EPHA5: variants seen among roughly 807,000 people sequenced by gnomAD.
EPHA5 encodes EPH receptor A5.
EPHA5 carries 60 observed loss-of-function variants against 105.0 expected under a neutral mutation model. The ratio of observed to expected loss-of-function variants is 0.57; its 90% CI spans 0.46 to 0.71. The LOEUF is 0.71. Among genes scored for constraint, EPHA5 ranks in the 30% least tolerant of loss-of-function variants. The probability of loss-of-function intolerance (pLI) is 0.00; values close to 1 mark genes in which losing one functional copy is unlikely to be tolerated. For missense variants in EPHA5, 1,218 were observed against 1,274.7 expected (o/e 0.96, Z 0.68); for synonymous variants, 513 against 449.1 (o/e 1.14, Z -1.80).
intron 5 of EPHA5, among the ~76,000 whole-genome samples, chr4:65,450,301 A>T (rs1354651585): frequency 6.6e-6 from 1 of 152,170 alleles, no homozygotes; most frequent in Non-Finnish European, 1.5e-5. Context: ...ATGAGTGGAA[A>T]TGTTTCTTAT....
intron 5 of EPHA5, among the ~76,000 whole-genome samples, chr4:65,443,067 A>G (rs1014682885): frequency 2.0e-5 from 3 of 152,098 alleles, no homozygotes; most frequent in Non-Finnish European, 4.4e-5. Context: ...GAAACCTAAA[A>G]CACCTTGGAG....
At position 65,367,718 on chromosome 4, in the gene EPHA5, C is replaced by T. The variant is rs558564328; in HGVS notation, c.1794-294G>A. 7.2e-5 allele frequency among the ~76,000 whole-genome samples: 11 copies of T among 152,092 alleles called. No individual in the cohort carries two copies. The South Asian group carries it at 2.3e-3, about 32-fold the overall frequency. ...TACCAGACATTGTTGTTCTCTTTTC[C>T]TCTTTTACTTTATTTTATTTTTATT... On this transcript the variant is annotated intron_variant, in intron 8 of 16. Coordinates refer to ENST00000613740, the MANE Select transcript of EPHA5 (RefSeq NM_001281766.3).
intron 3 of EPHA5, among the ~76,000 whole-genome samples, chr4:65,527,400 A>C (rs553013021): frequency 6.6e-6 from 1 of 152,244 alleles, no homozygotes; most frequent in African/African-American, 2.4e-5. Context: ...CAAAACAATA[A>C]TATGTTCTGA....
intron 5 of EPHA5, among the ~76,000 whole-genome samples, chr4:65,458,653 C>A (rs190222091): frequency 6.6e-6 from 1 of 152,054 alleles, no homozygotes; most frequent in Non-Finnish European, 1.5e-5. Context: ...CCATATTAAA[C>A]TGTACACTCA....
chr4:65,327,076 G>C (rs946844124), intron 16 of EPHA5, among the ~76,000 whole-genome samples: 3 of 150,660 alleles, frequency 2.0e-5, no homozygotes, highest in African/African-American at 7.3e-5. Context: ...TAATCTTCTA[G>C]ATATGACTTG....
chr4:65,518,748 A>G (rs1484995030), intron 3 of EPHA5, among the ~76,000 whole-genome samples: 1 of 151,778 alleles, frequency 6.6e-6, no homozygotes. Context: ...AGAGCAAAGG[A>G]TACAAGACTA....
intron 3 of EPHA5, among the ~76,000 whole-genome samples, chr4:65,574,699 C>CATATATATACATATATATACATATATAT (rs1740679289): frequency 1.3e-5 from 1 of 77,916 alleles, no homozygotes; most frequent in Non-Finnish European, 2.6e-5. Context: ...CATATATATA[C>CATATATATACATATATATACATATATAT]ATATATATAC....
At chr4:65,479,795 A>G (rs1245473399) in intron 5 of EPHA5, among the ~76,000 whole-genome samples, 1 of 152,202 alleles carries the variant, frequency 6.6e-6, no homozygotes, top group Non-Finnish European at 1.5e-5. Flanking sequence ...AGAAAAAATT[A>G]TATACAATAA....
chr4:65,347,949 A>C, intron 14 of EPHA5, 105 bp downstream of exon 14: 1 of 1,208,594 alleles, frequency 8.3e-7, no homozygotes, highest in Non-Finnish European at 1.1e-6. Flanking sequence ...AAAGTATTTC[A>C]TTTTCTTAAG....
intron 3 of EPHA5, among the ~76,000 whole-genome samples, chr4:65,556,501 C>A (rs1444294345): frequency 1.3e-5 from 2 of 152,130 alleles, no homozygotes; most frequent in African/African-American, 2.4e-5. Flanking sequence ...ATATGGAATT[C>A]AAAGCATTAA....
At chr4:65,375,810 C>T (rs76752159) in intron 8 of EPHA5, among the ~76,000 whole-genome samples, 19,556 of 151,516 alleles carry the variant, frequency 0.13, 1,458 homozygotes, top group East Asian at 0.28. Flanking sequence ...CACACACACA[C>T]ACACTGTAAA....
chr4:65,654,284 G>GT (rs530076883), intron 1 of EPHA5, among the ~76,000 whole-genome samples: 163 of 150,474 alleles, frequency 1.1e-3, no homozygotes, highest in African/African-American at 3.9e-3. Context: ...CTGTTGGATA[G>GT]TTTTTTCTAT....
chr4:65,365,724 T>C (rs902354271), intron 10 of EPHA5, among the ~76,000 whole-genome samples: 25 of 144,168 alleles, frequency 1.7e-4, no homozygotes, highest in Admixed American at 5.0e-4. Context: ...TATTTTTTGC[T>C]GTTTTTAAAT....
intron 8 of EPHA5, among the ~76,000 whole-genome samples, chr4:65,390,093 A>T (rs1249717309): frequency 6.6e-6 from 1 of 151,980 alleles, no homozygotes; most frequent in Admixed American, 6.6e-5. Flanking sequence ...GTATATTATG[A>T]TATTTTGACA....
chr4:65,331,886 T>C lies in EPHA5; in HGVS notation c.2945+87A>G, dbSNP rs529187657. ...CTGCCACACATCCGCAAAGGTTAAC[T>C]GATTTCCCTTACCTCATCCAGATTG... On this transcript the variant is annotated intron_variant, in intron 16 of 16. Coordinates refer to ENST00000613740, the MANE Select transcript of EPHA5 (RefSeq NM_001281766.3). 1.4e-3 allele frequency: 2,154 copies of C among 1,496,696 alleles called. 1 individual carries two copies. Among genetic ancestry groups the C allele is most frequent in the Non-Finnish European group, 1.8e-3 (2,028 of 1,129,492 alleles). The allele number at this position is 1,496,696 out of a possible 1,614,324, so 92.7% of individuals were successfully genotyped here.
chr4:65,650,559 CA>C (rs59357895), intron 1 of EPHA5, among the ~76,000 whole-genome samples: 46 of 116,984 alleles, frequency 3.9e-4, no homozygotes, highest in Admixed American at 9.5e-4. Context: ...GACTCAGTCT[CA>C]AAAAAAAAAA....
intron 15 of EPHA5, among the ~76,000 whole-genome samples, chr4:65,334,345 G>A (rs1720967177): frequency 6.6e-6 from 1 of 152,016 alleles, no homozygotes; most frequent in Non-Finnish European, 1.5e-5. Context: ...GAGAATTGCA[G>A]AAAGAAACAG....
intron 5 of EPHA5, among the ~76,000 whole-genome samples, chr4:65,468,175 G>T (rs1488611572): frequency 1.3e-5 from 2 of 151,998 alleles, no homozygotes; most frequent in Non-Finnish European, 2.9e-5. Context: ...CCTGCATCTG[G>T]CTGTATATAC....
intron 2 of EPHA5, among the ~76,000 whole-genome samples, chr4:65,608,875 A>AT (rs1195774741): frequency 1.3e-5 from 2 of 152,156 alleles, no homozygotes; most frequent in African/African-American, 4.8e-5. Flanking sequence ...CTTATAAATT[A>AT]TTTTTTCTCT....
Sources: gnomAD v4.1 joint callset for allele counts (sites outside exome capture counted in the v4.1 genomes callset) on GRCh38, gnomAD v4.1.1 for gene constraint, MANE v1.5 for transcripts, NCBI Gene and HGNC (gene_info 2026-07-23, HGNC 2026-07-21) for gene names.